The following HOMER3 variants were observed in gnomAD, a reference collection of about 807,000 sequenced individuals.
The protein encoded by HOMER3 is homer scaffold protein 3.
HOMER3 carries 34 observed loss-of-function variants against 45.5 expected under a neutral mutation model. The ratio of observed to expected loss-of-function variants is 0.75; its 90% CI spans 0.57 to 1.00. HOMER3 has a LOEUF of 1.00. Among genes scored for constraint, HOMER3 ranks in the 50% least tolerant of loss-of-function variants. HOMER3 has a pLI of 0.00. For synonymous variants in HOMER3, 223 were observed against 208.8 expected (o/e 1.07, Z -0.58); for missense variants, 480 against 497.5 (o/e 0.96, Z 0.33).
At chr19:18,937,086 G>A (rs111790312) in intron 4 of HOMER3, among the ~76,000 whole-genome samples, 4,476 of 151,642 alleles carry the variant, frequency 0.03, 107 homozygotes, top group Non-Finnish European at 0.047. Flanking sequence ...TGAGAGGCTC[G>A]CTTGAGGCCA....
chr19:18,930,750 CTGT>C (rs2057022904), intron 9 of HOMER3, among the ~76,000 whole-genome samples: 1 of 152,096 alleles, frequency 6.6e-6, no homozygotes, highest in Non-Finnish European at 1.5e-5. Context: ...TGGCGCATGT[CTGT>C]AATCCCAGCA....
chr19:18,938,878 C>G lies in HOMER3; in HGVS notation c.21G>C (p.Gln7His). MSTARE[Q>H]PIFSTRAHVF... ...CGTGCGCCCGTGTGCTGAAGATTGG[C>G]TGCTCCCTGCGTGGGGAGAGGGTGT... The change falls in exon 3 of 10, where the codon CAG (glutamine) becomes CAC (histidine). Residue 7 changes from glutamine (Q) to histidine (H), a missense_variant. Gln to His is a conservative substitution (Grantham distance 24). Coordinates refer to ENST00000392351, the MANE Select transcript of HOMER3 (RefSeq NM_004838.4). 4.4e-6 allele frequency: 7 copies of G among 1,604,516 alleles called. No individual in the cohort carries two copies. Among genetic ancestry groups the G allele is most frequent in the Non-Finnish European group, 6.0e-6 (7 of 1,175,722 alleles).
rs1198962290 is a variant in HOMER3 at position 18,937,911 on chromosome 19, A to G, written c.303+442T>C. Among the ~76,000 whole-genome samples the G allele has an allele frequency of 4.6e-5, 7 of 151,232 alleles. No individual in the cohort carries two copies. The East Asian group carries it at 1.2e-3, about 26-fold the overall frequency. On this transcript the variant is annotated intron_variant, in intron 4 of 9. Transcript: ENST00000392351. ...ACAGGCAGTAGAACTAGGACTCAAG[A>G]GCAGGTACAGTGGCTCATGCCTGTA... is the stretch of plus-strand genomic sequence containing the variant.
At chr19:18,931,677 C>T in intron 7 of HOMER3, 52 bp from the exon 8 acceptor site, 1 of 1,538,050 alleles carries the variant, frequency 6.5e-7, no homozygotes, top group East Asian at 2.3e-5. Flanking sequence ...CTCTCCCTTG[C>T]TCGCCCAACC....
intron 6 of HOMER3, 51 bp downstream of exon 6, chr19:18,932,873 T>TCCCCCCCCCCAACCCCCCCC: frequency 1.1e-6 from 1 of 877,174 alleles, no homozygotes; most frequent in Admixed American, 4.2e-5. Context: ...CGCCTCCTCG[T>TCCCCCCCCCCAACCCCCCCC]CCCCCACCCC....
intron 3 of HOMER3, 23 bp downstream of exon 3, chr19:18,938,705 C>T (rs372209530): frequency 3.9e-6 from 6 of 1,532,706 alleles, no homozygotes; most frequent in Non-Finnish European, 5.4e-6. Flanking sequence ...GGTGCCTCTG[C>T]CCCACCCAGA....
intron 4 of HOMER3, among the ~76,000 whole-genome samples, chr19:18,936,317 A>AAAATAAATAAATAAATAAAT (rs57691524): frequency 1.4e-5 from 2 of 138,976 alleles, no homozygotes; most frequent in Non-Finnish European, 3.0e-5. Context: ...CTGTCTCAAA[A>AAAATAAATAAATAAATAAAT]AAATAAATAA....
At position 18,931,382 on chromosome 19, in the gene HOMER3, C is replaced by T; in HGVS notation, c.837G>A (p.Gly279=). The T allele has an allele frequency of 6.2e-7, 1 of 1,614,184 alleles. No individual in the cohort carries two copies. ...QEIQTLKSQT[G]GPREALEAAE... is the part of the protein sequence containing the mutation. ...CAGCCTCCAGGGCCTCGCGGGGCCC[C>T]CCAGTCTGACTCTTCAGGGTCTGAA... is the stretch of plus-strand genomic sequence containing the variant. The change falls in exon 9 of 10, where the codon GGG becomes GGA. Residue 279 remains glycine (G), a synonymous_variant. Coordinates refer to ENST00000392351, the MANE Select transcript of HOMER3 (RefSeq NM_004838.4).
intron 9 of HOMER3, among the ~76,000 whole-genome samples, chr19:18,930,014 C>T (rs1033822683): frequency 6.6e-6 from 1 of 151,970 alleles, no homozygotes; most frequent in Non-Finnish European, 1.5e-5. Context: ...CTTTGGGAGG[C>T]GGAGGCAGGT....
At position 18,929,515 on chromosome 19, in the gene HOMER3, C is replaced by T. The variant is rs755713207; in HGVS notation, c.1014G>A (p.Leu338=). ...ARAEVGRAAQ[L]LDVSLFELSE... is the part of the protein sequence containing the mutation. Reference sequence around the variant, plus strand: ...TCAGCTCAAACAGGCTGACGTCCAGCAGCTGCGCTGCCCGGCCCACCTCAG... The same window carrying T: ...TCAGCTCAAACAGGCTGACGTCCAGTAGCTGCGCTGCCCGGCCCACCTCAG... Residue 338 remains leucine (L), a synonymous_variant, in exon 10 of 10, where the codon CTG becomes CTA. Coordinates refer to ENST00000392351, the MANE Select transcript of HOMER3 (RefSeq NM_004838.4). 1.9e-6 allele frequency: 3 copies of T among 1,579,978 alleles called. No homozygotes were observed. In the African/African-American group the frequency reaches 4.0e-5, roughly 21 times the overall value.
chr19:18,939,186 A>C, intron 1 of HOMER3, 137 bp from the exon 2 acceptor site: 1 of 539,104 alleles, frequency 1.9e-6, no homozygotes, highest in Non-Finnish European at 3.2e-6. Context: ...CCCAAAGTAC[A>C]CCTGGTGCTT....
intron 7 of HOMER3, 101 bp from the exon 8 acceptor site, chr19:18,931,726 C>G: frequency 1.3e-6 from 2 of 1,505,778 alleles, no homozygotes; most frequent in South Asian, 1.3e-5. Flanking sequence ...CGCCCAGGAC[C>G]GAGCACCCAT....
intron 6 of HOMER3, 34 bp downstream of exon 6, chr19:18,932,890 C>CCCCCCCG: frequency 9.8e-7 from 1 of 1,025,156 alleles, no homozygotes; most frequent in Non-Finnish European, 1.3e-6. Flanking sequence ...CCCCTACCCC[C>CCCCCCCG]GCCCCTGCCA....
At position 18,938,894 on chromosome 19, in the gene HOMER3, G is replaced by A. The variant is rs772302100; in HGVS notation, c.15-10C>T. 2.2e-5 allele frequency: 35 copies of A among 1,605,214 alleles called. No individual in the cohort carries two copies. The highest frequency in any genetic ancestry group is 2.9e-5 in the Non-Finnish European group (34 of 1,176,188). On this transcript the variant is annotated splice_polypyrimidine_tract_variant and intron_variant, in intron 2 of 9. Transcript: ENST00000392351. Reference sequence around the variant, plus strand: ...GAAGATTGGCTGCTCCCTGCGTGGGGAGAGGGTGTTTGGTGGGGGCCAGGC... The same window carrying A: ...GAAGATTGGCTGCTCCCTGCGTGGGAAGAGGGTGTTTGGTGGGGGCCAGGC...
chr19:18,936,321 T>TAAAA (rs55766507), intron 4 of HOMER3, among the ~76,000 whole-genome samples: 2 of 137,178 alleles, frequency 1.5e-5, no homozygotes, highest in African/African-American at 2.7e-5. Flanking sequence ...CTCAAAAAAA[T>TAAAA]AAATAAATAA....
In HOMER3 at chr19:18,933,006, C is replaced by G; in HGVS notation, c.451G>C (p.Glu151Gln). The change falls in exon 6 of 10, where the codon GAG (glutamate) becomes CAG (glutamine). Residue 151 changes from glutamate to glutamine, a missense_variant. Physicochemically the swap from Glu to Gln is conservative, Grantham distance 29. Transcript: ENST00000392351. The stretch of plus-strand genomic sequence containing the variant: ...CTCTGGCTGCGGAACAGTTTTTCCT[C>G]GCCGGGGCCGTTGGCACTGACGAGA... ...SPLVSANGPG[E>Q]EKLFRSQSAD... The G allele has an allele frequency of 2.7e-6, 4 of 1,482,938 alleles. No individual in the cohort carries two copies. The highest frequency in any genetic ancestry group is 2.7e-6 in the Non-Finnish European group (3 of 1,121,548). 91.9% of individuals were successfully genotyped at this position (1,482,938 alleles called of 1,614,324 possible).
rs754479036 is a variant in HOMER3, at chr19:18,931,355, G to A, written c.864C>T (p.Ala288=). 17 of 1,613,966 alleles carry A rather than the reference G, an allele frequency of 1.1e-5. No homozygotes were observed. Among genetic ancestry groups the A allele is most frequent in the East Asian group, 4.5e-5 (2 of 44,892 alleles). ...TGGPREALEA[A]EREETQQKVQ... ...CCTTCTGCTGAGTCTCCTCACGCTC[G>A]GCAGCCTCCAGGGCCTCGCGGGGCC... is the stretch of plus-strand genomic sequence containing the variant. The change falls in exon 9 of 10, where the codon GCC becomes GCT. Residue 288 remains alanine, a synonymous_variant. Coordinates refer to ENST00000392351, the MANE Select transcript of HOMER3 (RefSeq NM_004838.4).
At chr19:18,938,025 C>T (rs1239995482) in intron 4 of HOMER3, among the ~76,000 whole-genome samples, 1 of 151,880 alleles carries the variant, frequency 6.6e-6, no homozygotes, top group Non-Finnish European at 1.5e-5. Flanking sequence ...AACCCTGTCT[C>T]TAATAAAATA....
Position 18,938,449 on chromosome 19 carries a change from G to A in HOMER3, c.207C>T (p.Thr69=), listed in dbSNP as rs1338791866. Residue 69 remains threonine (T), a synonymous_variant, in exon 4 of 10, where the codon ACC becomes ACT. Transcript: ENST00000392351. The part of the protein sequence containing the change: ...IINSTVTPNM[T]FTKTSQKFGQ... ...CGAACTTCTGGGAAGTTTTGGTGAA[G>A]GTCATGTTGGGAGTGACAGTGCTGT... The A allele has an allele frequency of 6.2e-7, 1 of 1,614,016 alleles. No individual in the cohort carries two copies. The highest frequency in any genetic ancestry group is 8.5e-7 in the Non-Finnish European group (1 of 1,179,974).
Sources: allele counts gnomAD v4.1 joint callset (sites outside exome capture counted in the v4.1 genomes callset), GRCh38; gene constraint gnomAD v4.1.1; transcripts MANE v1.5; gene names NCBI Gene and HGNC (gene_info 2026-07-23, HGNC 2026-07-21).